Variants in COL5A2 observed in about 807,000 individuals in gnomAD.
COL5A2 encodes the protein collagen alpha-2(V) chain.
A neutral mutation model predicts 208.2 loss-of-function variants in COL5A2; 23 were observed. The observed-to-expected ratio is 0.11, with a 90% CI of 0.08 to 0.16. The LOEUF is 0.16. COL5A2 is among the 10% of genes least tolerant of loss of function. The probability of loss-of-function intolerance (pLI) is 1.00; values close to 1 mark genes in which losing one functional copy is unlikely to be tolerated. For missense variants in COL5A2, 1,590 were observed against 1,956.4 expected, an observed-to-expected ratio of 0.81 and a Z score of 3.53; for synonymous variants, 625 against 628.5, an observed-to-expected ratio of 0.99 and a Z score of 0.08.
the COL5A2 span, among the ~76,000 whole-genome samples, chr2:189,312,716 A>ACCT: frequency 6.6e-6 from 1 of 152,006 alleles, no homozygotes; most frequent in Non-Finnish European, 1.5e-5. Context: ...CCTGAGATGG[A>ACCT]CCTCCCAAAG....
At chr2:189,371,333 G>A in the COL5A2 span, among the ~76,000 whole-genome samples, 1 of 152,126 alleles carries the variant, frequency 6.6e-6, no homozygotes, top group Non-Finnish European at 1.5e-5. Context: ...CAAGAAGTGG[G>A]GCATTGCTAT....
At chr2:189,151,062 T>C (rs181382224) in intron 1 of COL5A2, among the ~76,000 whole-genome samples, 142 of 152,286 alleles carry the variant, frequency 9.3e-4, no homozygotes, top group African/African-American at 3.2e-3. Flanking sequence ...GCAGCCAAAA[T>C]TGGCTTATTA....
chr2:189,179,533 T>C lies in COL5A2; in HGVS notation c.72A>G (p.Ile24Met), dbSNP rs757874628. The change falls in exon 1 of 54, where the codon ATA becomes ATG. Residue 24 changes from isoleucine (I) to methionine (M), a missense_variant. By Grantham distance (10) the Ile-to-Met change is conservative. Coordinates refer to ENST00000374866, the MANE Select transcript of COL5A2 (RefSeq NM_000393.5). ...LIVLLGQFVS[I>M]KAQEEDEDEG... is the part of the protein sequence containing the mutation. Reference sequence around the variant, plus strand: ...CATCCTCGTCTTCTTCCTGGGCTTTTATTGAGACAAATTGCCCTAATAAAA... The same window carrying C: ...CATCCTCGTCTTCTTCCTGGGCTTTCATTGAGACAAATTGCCCTAATAAAA... The C allele has an allele frequency of 4.3e-6, 7 of 1,611,880 alleles. No homozygotes were observed. The East Asian group carries it at 1.3e-4, about 31-fold the overall frequency.
At chr2:189,075,299 G>T in intron 17 of COL5A2, 94 bp downstream of exon 17, 1 of 860,586 alleles carries the variant, frequency 1.2e-6, no homozygotes, top group Non-Finnish European at 2.0e-6. Flanking sequence ...CAAGTGTCTG[G>T]CATGTGGTGA....
chr2:189,079,608 G>C (rs759619972), intron 14 of COL5A2, among the ~76,000 whole-genome samples: 12 of 152,114 alleles, frequency 7.9e-5, no homozygotes, highest in Non-Finnish European at 1.5e-4. Flanking sequence ...ATGAGGAGAA[G>C]GTCTTGGTAT....
At chr2:189,213,782 T>C (rs1689245147) in intron 1 of COL5A2, among the ~76,000 whole-genome samples, 2 of 152,204 alleles carry the variant, frequency 1.3e-5, no homozygotes, top group African/African-American at 4.8e-5. Context: ...AAGGGATTGA[T>C]ACAAAAGTAA....
chr2:189,156,638 G>A (rs1344174489), intron 1 of COL5A2, among the ~76,000 whole-genome samples: 1 of 152,068 alleles, frequency 6.6e-6, no homozygotes, highest in Non-Finnish European at 1.5e-5. Context: ...ATCACACATT[G>A]ATGCTTTAGT....
At chr2:189,225,699 CA>C (rs200328507), upstream of COL5A2, among the ~76,000 whole-genome samples, 4 of 148,980 alleles carry the variant, frequency 2.7e-5, no homozygotes, top group Admixed American at 1.3e-4. Flanking sequence ...AAAACCAAAG[CA>C]AAAAAAAATA....
At chr2:189,293,121 G>A in the COL5A2 span, among the ~76,000 whole-genome samples, 1 of 151,856 alleles carries the variant, frequency 6.6e-6, no homozygotes, top group Non-Finnish European at 1.5e-5. Flanking sequence ...GGGGGAGTGG[G>A]GAGGGATAGC....
At chr2:189,351,632 A>G in the COL5A2 span, among the ~76,000 whole-genome samples, 2 of 152,302 alleles carry the variant, frequency 1.3e-5, no homozygotes, top group Non-Finnish European at 1.5e-5. Context: ...TGCTATGTGC[A>G]AGTATTGTTT....
chr2:189,402,714 C>G, the COL5A2 span, among the ~76,000 whole-genome samples: 1 of 152,088 alleles, frequency 6.6e-6, no homozygotes, highest in Admixed American at 6.5e-5. Context: ...GGTGTGCAGT[C>G]TTATTTACGG....
chr2:189,303,452 C>A, the COL5A2 span, among the ~76,000 whole-genome samples: 1 of 152,114 alleles, frequency 6.6e-6, no homozygotes, highest in African/African-American at 2.4e-5. Flanking sequence ...TGGGTATTCA[C>A]CCTGGAGTTG....
At chr2:189,092,611 G>A (rs1257317296) in intron 6 of COL5A2, among the ~76,000 whole-genome samples, 191 bp from the exon 7 acceptor site, 2 of 152,118 alleles carry the variant, frequency 1.3e-5, no homozygotes, top group Non-Finnish European at 2.9e-5. Flanking sequence ...TCTACCATTC[G>A]GATGTGGTCT....
At chr2:189,064,499 A>G in intron 25 of COL5A2, 58 bp downstream of exon 25, 3 of 1,190,852 alleles carry the variant, frequency 2.5e-6, no homozygotes, top group Non-Finnish European at 3.8e-6. Flanking sequence ...AACCCGACCA[A>G]TGCATGCTCA....
chr2:189,144,225 G>C (rs1203432485), intron 1 of COL5A2, among the ~76,000 whole-genome samples: 1 of 151,796 alleles, frequency 6.6e-6, no homozygotes, highest in Non-Finnish European at 1.5e-5. Context: ...AAACTCAAAA[G>C]ACAGACAGAT....
At chr2:189,365,096 C>T in the COL5A2 span, among the ~76,000 whole-genome samples, 7 of 152,094 alleles carry the variant, frequency 4.6e-5, no homozygotes, top group Non-Finnish European at 8.8e-5. Context: ...CATGTGATGT[C>T]TTTGGAATTT....
the COL5A2 span, among the ~76,000 whole-genome samples, chr2:189,246,590 C>T: frequency 6.6e-5 from 10 of 152,168 alleles, no homozygotes; most frequent in East Asian, 1.9e-3. Context: ...CATACCTTGA[C>T]TATAAGAGGC....
chr2:189,124,732 CT>C (rs74268947), intron 1 of COL5A2, among the ~76,000 whole-genome samples: 1,668 of 132,442 alleles, frequency 0.013, 13 homozygotes, highest in South Asian at 0.03. Flanking sequence ...ACTGTGTTTT[CT>C]TTTTTTTTTT....
chr2:189,426,184 G>C, the COL5A2 span, among the ~76,000 whole-genome samples: 2 of 152,124 alleles, frequency 1.3e-5, no homozygotes, highest in Non-Finnish European at 2.9e-5. Flanking sequence ...AAGTTGTTAT[G>C]ACCCAAATGC....
Sources: allele counts gnomAD v4.1 joint callset (sites outside exome capture counted in the v4.1 genomes callset), GRCh38; gene constraint gnomAD v4.1.1; transcripts MANE v1.5; gene names NCBI Gene and HGNC (gene_info 2026-07-23, HGNC 2026-07-21).